Variants in CPEB3 observed in about 807,000 individuals in gnomAD.
The protein encoded by CPEB3 is cytoplasmic polyadenylation element binding protein 3, also known as cytoplasmic polyadenylation element-binding protein 3.
Under a neutral mutation model 67.2 loss-of-function variants are expected in CPEB3, and 20 were observed. The observed-to-expected ratio is 0.30, with a 90% CI of 0.21 to 0.43. CPEB3 has a LOEUF of 0.43. Ranked by LOEUF, CPEB3 falls within the 20% of genes least tolerant of loss-of-function variation. CPEB3 has a pLI of 1.00. For missense variants in CPEB3, 746 were observed against 968.6 expected (o/e 0.77, Z 3.05); for synonymous variants, 376 against 393.1 (o/e 0.96, Z 0.51).
chr10:92,114,880 G>T (rs911622743), intron 6 of CPEB3, among the ~76,000 whole-genome samples: 1 of 152,240 alleles, frequency 6.6e-6, no homozygotes, highest in Non-Finnish European at 1.5e-5. Flanking sequence ...AGGAAGTCAT[G>T]TGAGTATTGA....
intron 1 of CPEB3, among the ~76,000 whole-genome samples, chr10:92,289,732 A>AAAAAAAAAAAAAATATATAT: frequency 4.5e-4 from 34 of 75,754 alleles, no homozygotes; most frequent in Non-Finnish European, 7.4e-4. Flanking sequence ...AAAAAAAAAA[A>AAAAAAAAAAAAAATATATAT]ATATATATAT....
chr10:92,276,650 T>C (rs1198730661), intron 1 of CPEB3, among the ~76,000 whole-genome samples: 1 of 152,216 alleles, frequency 6.6e-6, no homozygotes, highest in East Asian at 1.9e-4. Flanking sequence ...AGTAAAAACA[T>C]TCATGTACAA....
chr10:92,184,083 G>A (rs1848580205), intron 3 of CPEB3, among the ~76,000 whole-genome samples: 1 of 152,168 alleles, frequency 6.6e-6, no homozygotes, highest in South Asian at 2.1e-4. Flanking sequence ...CTGAAAGGAA[G>A]CTTGGTAGTT....
chr10:92,145,421 G>A (rs1846631081), intron 4 of CPEB3, among the ~76,000 whole-genome samples: 1 of 152,104 alleles, frequency 6.6e-6, no homozygotes, highest in South Asian at 2.1e-4. Context: ...CTGAGGTCAG[G>A]AGTTCGAGGC....
intron 8 of CPEB3, among the ~76,000 whole-genome samples, chr10:92,087,118 C>G (rs1311781631): frequency 6.6e-6 from 1 of 152,138 alleles, no homozygotes; most frequent in Non-Finnish European, 1.5e-5. Flanking sequence ...GACATGGTTT[C>G]TAATACATGT....
At chr10:92,264,192 G>GT (rs1425402454) in intron 1 of CPEB3, among the ~76,000 whole-genome samples, 10 of 152,182 alleles carry the variant, frequency 6.6e-5, no homozygotes, top group Non-Finnish European at 1.3e-4. Flanking sequence ...GCTGGGCATG[G>GT]TGGTGCATGC....
intron 4 of CPEB3, among the ~76,000 whole-genome samples, chr10:92,169,964 T>C (rs1847928808): frequency 6.6e-6 from 1 of 152,222 alleles, no homozygotes; most frequent in Non-Finnish European, 1.5e-5. Flanking sequence ...GCCCCAACCA[T>C]CTTTCAGATC....
chr10:92,057,971 A>G (rs987818780), intron 9 of CPEB3, among the ~76,000 whole-genome samples: 5 of 152,198 alleles, frequency 3.3e-5, no homozygotes, highest in African/African-American at 1.2e-4. Context: ...CCCAAGAAGG[A>G]CAGGTATAAA....
intron 7 of CPEB3, among the ~76,000 whole-genome samples, chr10:92,095,945 A>C (rs1843853819): frequency 6.6e-6 from 1 of 151,608 alleles, no homozygotes; most frequent in Non-Finnish European, 1.5e-5. Context: ...GCACAATCTC[A>C]GTCCACTGAA....
intron 2 of CPEB3, among the ~76,000 whole-genome samples, chr10:92,194,152 A>T (rs1849119764): frequency 6.6e-6 from 1 of 151,718 alleles, no homozygotes. Context: ...TTTTAAAAAT[A>T]AAAATGTGGC....
At chr10:92,073,990 A>G (rs962991619) in intron 9 of CPEB3, among the ~76,000 whole-genome samples, 1 of 152,220 alleles carries the variant, frequency 6.6e-6, no homozygotes, top group Admixed American at 6.5e-5. Context: ...GTCCTTAACT[A>G]AGTAGAAAAA....
At chr10:92,188,320 TAAAAAAAAA>T (rs756970118) in intron 3 of CPEB3, among the ~76,000 whole-genome samples, 83 of 36,986 alleles carry the variant, frequency 2.2e-3, no homozygotes, top group African/African-American at 8.8e-3. Flanking sequence ...TAAGACATAG[TAAAAAAAAA>T]AAAAAAAAAA....
intron 1 of CPEB3, among the ~76,000 whole-genome samples, chr10:92,282,592 A>G (rs1842346316): frequency 6.6e-6 from 1 of 152,008 alleles, no homozygotes; most frequent in Non-Finnish European, 1.5e-5. Context: ...AGGCTGAAGC[A>G]GGAGAATTGC....
At chr10:92,233,531 TAAA>T (rs57864053) in intron 2 of CPEB3, among the ~76,000 whole-genome samples, 5 of 113,404 alleles carry the variant, frequency 4.4e-5, no homozygotes, top group Non-Finnish European at 3.7e-5. Context: ...ATTCTGTCTT[TAAA>T]AAAAAAAAAA....
chr10:92,219,836 G>A (rs1850606180), intron 2 of CPEB3, among the ~76,000 whole-genome samples: 1 of 152,086 alleles, frequency 6.6e-6, no homozygotes, highest in Non-Finnish European at 1.5e-5. Context: ...TTGAAATGTT[G>A]AGAAATTCTA....
intron 9 of CPEB3, among the ~76,000 whole-genome samples, chr10:92,061,630 C>A (rs1842358227): frequency 6.6e-6 from 1 of 151,934 alleles, no homozygotes; most frequent in Admixed American, 6.6e-5. Context: ...ATCTAAAAAT[C>A]AAAACAATTG....
intron 2 of CPEB3, among the ~76,000 whole-genome samples, chr10:92,229,894 A>T (rs1398182804): frequency 1.3e-5 from 2 of 152,158 alleles, no homozygotes; most frequent in Non-Finnish European, 2.9e-5. Flanking sequence ...AAATAACACA[A>T]AATTAGCAGG....
At chr10:92,275,840 C>CTTTTTTTTTTTTTTTTTTTTTTT (rs982965337) in intron 1 of CPEB3, among the ~76,000 whole-genome samples, 1 of 130,710 alleles carries the variant, frequency 7.7e-6, no homozygotes. Context: ...GTACTTCATT[C>CTTTTTTTTTTTTTTTTTTTTTTT]TTTTCTTTTT....
chr10:92,240,053 C>T lies in CPEB3; in HGVS notation c.298G>A (p.Gly100Ser), dbSNP rs1472027122. ...CCGAAGGACGGCGACAGCGACGCGC[C>T]CGGTGCCGCGGGCTCCTGAGGCGGC... ...PPPPQEPAAP[G>S]ASLSPSFGST... Residue 100 changes from glycine to serine, a missense_variant, in exon 2 of 10, where the codon GGC (glycine) becomes AGC (serine). Gly to Ser is a moderately conservative substitution (Grantham distance 56). This residue lies in a region of CPEB3 where 643 missense variants were observed against 717.5 expected (regional missense o/e 0.90). Transcript: ENST00000265997. 1 of 1,596,028 alleles carries T rather than the reference C, an allele frequency of 6.3e-7. No individual in the cohort carries two copies. The highest frequency in any genetic ancestry group is 8.5e-7 in the Non-Finnish European group (1 of 1,171,506).
Sources: allele counts gnomAD v4.1 joint callset (sites outside exome capture counted in the v4.1 genomes callset), GRCh38; gene constraint gnomAD v4.1.1; regional missense constraint gnomAD v4.1.1; transcripts MANE v1.5; gene names NCBI Gene and HGNC (gene_info 2026-07-23, HGNC 2026-07-21).